TECTA: variants seen among roughly 807,000 people sequenced by gnomAD.
TECTA encodes alpha-tectorin.
A neutral mutation model predicts 216.8 loss-of-function variants in TECTA; 128 were observed. The observed-to-expected ratio is 0.59, with a 90% CI of 0.51 to 0.68. The LOEUF (loss-of-function observed/expected upper bound fraction) is 0.68, where lower values mean the gene tolerates loss of function less well. Among genes scored for constraint, TECTA ranks in the 30% least tolerant of loss-of-function variants. TECTA has a pLI of 0.00. For synonymous variants in TECTA, 1,089 were observed against 1,117.1 expected (o/e 0.97, Z 0.50); for missense variants, 2,551 against 2,786.2 (o/e 0.92, Z 1.90).
At chr11:121,156,365 A>G (rs1946941013) in intron 13 of TECTA, among the ~76,000 whole-genome samples, 1 of 151,704 alleles carries the variant, frequency 6.6e-6, no homozygotes, top group African/African-American at 2.4e-5. Context: ...TTATTTTGAG[A>G]CAGAGTTTTG....
intron 23 of TECTA, chr11:121,190,082 C>T (rs549193440): frequency 1.7e-6 from 1 of 587,882 alleles, no homozygotes; most frequent in Non-Finnish European, 3.0e-6. Context: ...AACAAAAAAA[C>T]CTTGCTCTTT....
chr11:121,171,292 T>G (rs1257840685), intron 20 of TECTA, among the ~76,000 whole-genome samples: 1 of 152,158 alleles, frequency 6.6e-6, no homozygotes, highest in East Asian at 1.9e-4. Flanking sequence ...TATGTGTCTG[T>G]TTTTATACAA....
chr11:121,188,647 A>G (rs192532784), intron 21 of TECTA, among the ~76,000 whole-genome samples: 102 of 152,310 alleles, frequency 6.7e-4, no homozygotes, highest in African/African-American at 2.3e-3. Context: ...TGATTGCACC[A>G]ATACCTGGCC....
At chr11:121,157,540 T>C (rs1177411037) in intron 13 of TECTA, among the ~76,000 whole-genome samples, 1 of 152,122 alleles carries the variant, frequency 6.6e-6, no homozygotes, top group Admixed American at 6.5e-5. Context: ...TTACTTACAG[T>C]GATCTGCGAT....
Position 121,166,751 on chromosome 11 carries a change from A to G in TECTA, c.5557A>G (p.Thr1853Ala), listed in dbSNP as rs1415974045. The change falls in exon 18 of 24, where the codon ACC becomes GCC. Residue 1853 changes from threonine (T) to alanine (A), a missense_variant. Physicochemically the swap from Thr to Ala is moderately conservative, Grantham distance 58 (BLOSUM62 0). Transcript: ENST00000392793. ...EDFISFQINN[T>A]KGNCGNIVQS... ...TTTTATCTCCTTTCAGATCAACAACACCAAAGGGAATTGTGGAAACATTGT... is the reference window on the plus strand; with the variant it reads ...TTTTATCTCCTTTCAGATCAACAACGCCAAAGGGAATTGTGGAAACATTGT... 6.2e-7 allele frequency: 1 copy of G among 1,614,162 alleles called. No homozygotes were observed. Among genetic ancestry groups the G allele is most frequent in the East Asian group, 2.2e-5 (1 of 44,876 alleles).
At chr11:121,116,545 G>A (rs1946503733) in intron 6 of TECTA, among the ~76,000 whole-genome samples, 1 of 152,274 alleles carries the variant, frequency 6.6e-6, no homozygotes, top group African/African-American at 2.4e-5. Context: ...TTTTCCTCCT[G>A]AGTTATAGGT....
At chr11:121,188,990 G>C in intron 21 of TECTA, 90 bp from the exon 22 acceptor site, 1 of 1,339,620 alleles carries the variant, frequency 7.5e-7, no homozygotes, top group South Asian at 1.2e-5. Context: ...TGAGGCCAGA[G>C]CCACTGCCTC....
chr11:121,190,242 C>A, intron 23 of TECTA: 3 of 363,534 alleles, frequency 8.3e-6, no homozygotes, highest in Non-Finnish European at 1.1e-5. Context: ...CATATGGTTT[C>A]CCTGACCTCT....
At position 121,190,735 on chromosome 11, in the gene TECTA, T is replaced by C. The variant is rs773269090; in HGVS notation, c.6397T>C (p.Trp2133Arg). 6.2e-7 allele frequency: 1 copy of C among 1,614,012 alleles called. No homozygotes were observed. The highest frequency in any genetic ancestry group is 1.7e-5 in the Admixed American group (1 of 60,028). The change falls in exon 24 of 24, where the codon TGG becomes CGG. Residue 2133 changes from tryptophan to arginine, a missense_variant. Physicochemically the swap from Trp to Arg is moderately radical, Grantham distance 101. This residue lies in a region of TECTA where 118 missense variants were observed against 116.4 expected (regional missense o/e 1.01). Coordinates refer to ENST00000392793, the MANE Select transcript of TECTA (RefSeq NM_005422.4). ...ASNSSMELQV[W>R]TLLLIMIQIS... is the part of the protein sequence containing the mutation. ...TAATTCTTCAATGGAACTTCAAGTCTGGACGCTTCTTCTCATCATGATCCA... is the reference window on the plus strand; with the variant it reads ...TAATTCTTCAATGGAACTTCAAGTCCGGACGCTTCTTCTCATCATGATCCA...
chr11:121,126,337 C>CCTG (rs1449417518), intron 8 of TECTA, among the ~76,000 whole-genome samples: 1 of 152,196 alleles, frequency 6.6e-6, no homozygotes, highest in Admixed American at 6.5e-5. Flanking sequence ...GGGTTTGTGC[C>CCTG]CTGCTGCTGC....
intron 3 of TECTA, among the ~76,000 whole-genome samples, chr11:121,108,383 A>G (rs948582206): frequency 2.0e-5 from 3 of 150,712 alleles, no homozygotes; most frequent in Admixed American, 6.6e-5. Flanking sequence ...CACCAACCCC[A>G]GTATACACAC....
chr11:121,147,875 G>C lies in TECTA; in HGVS notation c.4105+1759G>C, dbSNP rs190198689. Among the ~76,000 whole-genome samples the C allele has an allele frequency of 1.6e-3, 250 of 152,196 alleles. 1 individual carries two copies. In the Middle Eastern group the frequency reaches 0.044, roughly 27 times the overall value. On this transcript the variant is annotated intron_variant, in intron 12 of 23. Transcript: ENST00000392793. ...CAACAAACAGGGAAATGCACACAGG[G>C]GGCTAATGCCAGGAACTCTCACCTC...
At chr11:121,103,828 A>G (rs1591433940) in intron 2 of TECTA, among the ~76,000 whole-genome samples, 1 of 152,158 alleles carries the variant, frequency 6.6e-6, no homozygotes, top group East Asian at 1.9e-4. Context: ...CATATTAGAT[A>G]TTCTTAATGT....
At chr11:121,185,147 C>T (rs1187205221) in intron 20 of TECTA, among the ~76,000 whole-genome samples, 4 of 152,198 alleles carry the variant, frequency 2.6e-5, no homozygotes, top group East Asian at 3.8e-4. Flanking sequence ...TCTGAATAAA[C>T]GTCTTCAAAT....
intron 23 of TECTA, 99 bp from the exon 24 acceptor site, chr11:121,190,607 A>T: frequency 1.1e-6 from 1 of 936,958 alleles, no homozygotes. Context: ...TTGGCAATGA[A>T]GTTTCCTTTC....
Position 121,190,771 on chromosome 11 carries a change from T to C in TECTA, c.6433T>C (p.Trp2145Arg), listed in dbSNP as rs1038878003. ...LLLIMIQISLWHFVYKSGTTS is the reference protein window; with the variant it reads ...LLLIMIQISLRHFVYKSGTTS ...TCTCATCATGATCCAGATTTCATTA[T>C]GGCATTTTGTCTATAAATCAGGCAC... The change falls in exon 24 of 24, where the codon TGG becomes CGG. Residue 2145 changes from tryptophan to arginine, a missense_variant. By Grantham distance (101) the Trp-to-Arg change is moderately radical. Coordinates refer to ENST00000392793, the MANE Select transcript of TECTA (RefSeq NM_005422.4). 2.5e-6 allele frequency: 4 copies of C among 1,613,778 alleles called. No individual in the cohort carries two copies. The highest frequency in any genetic ancestry group is 1.6e-4 in the Middle Eastern group (1 of 6,082).
In TECTA at chr11:121,127,810, C is replaced by T. The variant is rs767206817; in HGVS notation, c.1833C>T (p.Pro611=). ...ACTCCGTGTGCACAAGCAGCTGCCCCGACACATGCTCCGACCTGACGGCCT... is the reference window on the plus strand; with the variant it reads ...ACTCCGTGTGCACAAGCAGCTGCCCTGACACATGCTCCGACCTGACGGCCT... ...SHYSVCTSSC[P]DTCSDLTASR... The change falls in exon 9 of 24, where the codon CCC becomes CCT. Residue 611 remains proline (P), a synonymous_variant. Transcript: ENST00000392793. The surrounding 1 kb of genome is among the most constrained non-coding windows in gnomAD (Gnocchi z 5.0). 16 of 1,614,068 alleles carry T rather than the reference C, an allele frequency of 9.9e-6. No homozygotes were observed. The highest frequency in any genetic ancestry group is 2.7e-5 in the African/African-American group (2 of 74,930).
intron 21 of TECTA, among the ~76,000 whole-genome samples, chr11:121,188,385 G>T (rs1391546030): frequency 6.6e-6 from 1 of 152,212 alleles, no homozygotes. Flanking sequence ...GATGTTGCCA[G>T]TTGGCCTGGT....
chr11:121,137,698 G>T lies in TECTA; in HGVS notation c.3219G>T (p.Glu1073Asp), dbSNP rs1402547951. 2 of 1,614,128 alleles carry T rather than the reference G, an allele frequency of 1.2e-6. No individual in the cohort carries two copies. The highest frequency in any genetic ancestry group is 3.3e-5 in the Admixed American group (2 of 60,018). ...CSGTDNRVHC[E>D]TIPCKDDEYC... is the part of the protein sequence containing the mutation. ...GCACAGACAACAGGGTCCACTGCGA[G>T]ACCATTCCCTGCAAGGATGATGAGT... The change falls in exon 11 of 24, where the codon GAG becomes GAT. Residue 1073 changes from glutamate to aspartate, a missense_variant. Physicochemically the swap from Glu to Asp is conservative, Grantham distance 45. Transcript: ENST00000392793.
Sources: allele counts gnomAD v4.1 joint callset (sites outside exome capture counted in the v4.1 genomes callset), GRCh38; gene constraint gnomAD v4.1.1; regional missense constraint gnomAD v4.1.1; non-coding constraint Gnocchi (gnomAD v3.1); transcripts MANE v1.5; gene names NCBI Gene and HGNC (gene_info 2026-07-23, HGNC 2026-07-21).